TBCD: variants seen among roughly 807,000 people sequenced by gnomAD.
TBCD encodes the protein tubulin folding cofactor D, also known as tubulin-specific chaperone D.
In TBCD, 105 loss-of-function variants were observed where a neutral mutation model predicts 169.3. The ratio of observed to expected loss-of-function variants is 0.62; its 90% CI spans 0.53 to 0.73. The LOEUF is 0.73. Among genes scored for constraint, TBCD ranks in the 30% least tolerant of loss-of-function variants. The pLI is 0.00. For missense variants in TBCD, 1,444 were observed against 1,600.1 expected, an observed-to-expected ratio of 0.90 and a Z score of 1.66; for synonymous variants, 700 against 643.9, an observed-to-expected ratio of 1.09 and a Z score of -1.32.
intron 16 of TBCD, among the ~76,000 whole-genome samples, chr17:82,891,940 C>T (rs2146418287): frequency 6.6e-6 from 1 of 152,308 alleles, no homozygotes; most frequent in Admixed American, 6.5e-5. Flanking sequence ...TCCGACATTC[C>T]AGCCCTATGA....
At chr17:82,881,450 G>A (rs931640440) in intron 14 of TBCD, among the ~76,000 whole-genome samples, 1 of 152,214 alleles carries the variant, frequency 6.6e-6, no homozygotes, top group African/African-American at 2.4e-5. Context: ...GCTGATGCTG[G>A]AGCAGCCAGC....
rs9912684 is a variant in TBCD, at chr17:82,915,191, C to T, written c.2038+3402C>T. Among the ~76,000 whole-genome samples, 34,978 of 151,932 alleles carry T rather than the reference C, an allele frequency of 0.23. 4,380 individuals carry two copies. The highest frequency in any genetic ancestry group is 0.48 in the East Asian group (2,467 of 5,128). Reference sequence around the variant, plus strand: ...CCCAGGCCAGAGGATGGCGCCCTTACCCCCGAGGACGCCGGCATGTCGGTG... The same window carrying T: ...CCCAGGCCAGAGGATGGCGCCCTTATCCCCGAGGACGCCGGCATGTCGGTG... On this transcript the variant is annotated intron_variant, in intron 23 of 38. Transcript: ENST00000355528. This position sits in a 1 kb window ranked among gnomAD's most constrained non-coding sequence, Gnocchi z 4.3.
intron 37 of TBCD, 102 bp downstream of exon 37, chr17:82,939,578 G>GGTTT: frequency 1.1e-6 from 1 of 934,508 alleles, no homozygotes; most frequent in Non-Finnish European, 1.7e-6. Flanking sequence ...CTGATAGGAG[G>GGTTT]AGGAAAGAGG....
intron 23 of TBCD, chr17:82,913,295 C>T (rs550359307): frequency 6.6e-6 from 1 of 152,428 alleles, no homozygotes; most frequent in African/African-American, 2.4e-5. Context: ...ACGACCTTCA[C>T]ACGACCTTCA....
intron 36 of TBCD, 114 bp downstream of exon 36, chr17:82,938,250 C>A: frequency 1.7e-6 from 2 of 1,196,034 alleles, no homozygotes; most frequent in South Asian, 1.3e-5. Context: ...GAGCCCCTCT[C>A]GTTAACGCGC....
chr17:82,859,702 G>A (rs1016655965), intron 13 of TBCD: 31 of 985,348 alleles, frequency 3.1e-5, no homozygotes, highest in African/African-American at 5.2e-5. Flanking sequence ...GGGCTTGCCC[G>A]CCGGGAGTGT....
At position 82,781,460 on chromosome 17, in the gene TBCD, G is replaced by C; in HGVS notation, c.639-129G>C. 3 of 1,209,862 alleles carry C rather than the reference G, an allele frequency of 2.5e-6. No individual in the cohort carries two copies. In the South Asian group the frequency reaches 4.4e-5, roughly 18 times the overall value. 74.9% of individuals were successfully genotyped at this position (1,209,862 alleles called of 1,614,324 possible). A position where few individuals can be genotyped will look rare whatever the true frequency, so the allele number is the denominator to read the frequency against. On this transcript the variant is annotated intron_variant, in intron 6 of 38. Coordinates refer to ENST00000355528, the MANE Select transcript of TBCD (RefSeq NM_005993.5). Reference sequence around the variant, plus strand: ...GGAGGAGGACAGGACTCAGTACAGAGCTGGCATCTTGGTGTAAGGGTGCGT... The same window carrying C: ...GGAGGAGGACAGGACTCAGTACAGACCTGGCATCTTGGTGTAAGGGTGCGT...
chr17:82,836,306 C>T (rs748803265), intron 13 of TBCD, among the ~76,000 whole-genome samples: 2 of 152,248 alleles, frequency 1.3e-5, no homozygotes, highest in Non-Finnish European at 2.9e-5. Flanking sequence ...GCGTGAGAAC[C>T]TCTGCAAGTC....
At chr17:82,887,028 G>A (rs940573619) in intron 15 of TBCD, among the ~76,000 whole-genome samples, 3 of 151,644 alleles carry the variant, frequency 2.0e-5, no homozygotes, top group Non-Finnish European at 4.4e-5. Flanking sequence ...TTTCACCATT[G>A]CCTCCATGAT....
chr17:82,752,143 A>G lies in TBCD; in HGVS notation c.-51A>G. On this transcript the variant is annotated 5_prime_UTR_variant, in exon 1 of 39. Transcript: ENST00000355528. ...ATCCCTGGCTTTCGCGCTCTAGCGG[A>G]GTGGGATCTGCGAACACGTGAGGCG... The G allele has an allele frequency of 6.9e-7, 1 of 1,459,732 alleles. No individual in the cohort carries two copies. 90.4% of individuals were successfully genotyped at this position (1,459,732 alleles called of 1,614,324 possible).
chr17:82,846,190 C>A (rs1486451952), intron 13 of TBCD, among the ~76,000 whole-genome samples: 1 of 152,182 alleles, frequency 6.6e-6, no homozygotes, highest in African/African-American at 2.4e-5. Flanking sequence ...CTGTGCCTCC[C>A]TCCACGTGCT....
intron 11 of TBCD, 33 bp from the exon 12 acceptor site, chr17:82,809,675 T>G (rs773423542): frequency 3.7e-6 from 6 of 1,606,276 alleles, no homozygotes; most frequent in Non-Finnish European, 3.4e-6. Flanking sequence ...AGGCTGGTGG[T>G]GCCCCTGACG....
intron 9 of TBCD, among the ~76,000 whole-genome samples, chr17:82,804,985 G>T (rs1036381051): frequency 9.2e-5 from 14 of 152,260 alleles, no homozygotes; most frequent in African/African-American, 3.4e-4. Context: ...CCTCTGGGAG[G>T]CTGTCTCAGG....
chr17:82,755,073 C>T (rs1279197032), intron 1 of TBCD, among the ~76,000 whole-genome samples: 3 of 152,210 alleles, frequency 2.0e-5, no homozygotes, highest in East Asian at 1.9e-4. Context: ...GTAAGATGTA[C>T]ATTGGTCTCG....
At chr17:82,871,123 G>A (rs2057525145) in intron 14 of TBCD, among the ~76,000 whole-genome samples, 1 of 152,152 alleles carries the variant, frequency 6.6e-6, no homozygotes, top group Non-Finnish European at 1.5e-5. Flanking sequence ...CCTGTGGCGG[G>A]CGGGGCTCCT....
At chr17:82,787,160 A>AC (rs1012096277) in intron 7 of TBCD, among the ~76,000 whole-genome samples, 25 of 151,854 alleles carry the variant, frequency 1.6e-4, no homozygotes, top group African/African-American at 6.0e-4. Flanking sequence ...GCCCTGTGCC[A>AC]CCCCCCGGCA....
At chr17:82,756,407 G>C (rs1418586777) in intron 2 of TBCD, among the ~76,000 whole-genome samples, 192 bp downstream of exon 2, 1 of 152,180 alleles carries the variant, frequency 6.6e-6, no homozygotes, top group African/African-American at 2.4e-5. Flanking sequence ...CTCTAGGCTG[G>C]GGGGAGATGT....
At position 82,831,742 on chromosome 17, in the gene TBCD, G is replaced by A. The variant is rs1471170896; in HGVS notation, c.1318+16808G>A. ...AAAGTGAGGCGGGTACTCTGGGATTGTGGGGTGCATGTAAGGGGAAATGGC... is the reference window on the plus strand; with the variant it reads ...AAAGTGAGGCGGGTACTCTGGGATTATGGGGTGCATGTAAGGGGAAATGGC... On this transcript the variant is annotated intron_variant, in intron 13 of 38. Coordinates refer to ENST00000355528, the MANE Select transcript of TBCD (RefSeq NM_005993.5). This position sits in a 1 kb window ranked among gnomAD's most constrained non-coding sequence, Gnocchi z 4.6. 6.2e-7 allele frequency: 1 copy of A among 1,614,176 alleles called. No homozygotes were observed. Among genetic ancestry groups the A allele is most frequent in the South Asian group, 1.1e-5 (1 of 91,086 alleles).
intron 11 of TBCD, among the ~76,000 whole-genome samples, chr17:82,808,668 G>T (rs183462863): frequency 5.8e-4 from 83 of 143,518 alleles, no homozygotes; most frequent in African/African-American, 2.0e-3. Flanking sequence ...AGGTGGAGGG[G>T]CTGGCAGGTG....
Sources: gnomAD v4.1 joint callset for allele counts (sites outside exome capture counted in the v4.1 genomes callset) on GRCh38, gnomAD v4.1.1 for gene constraint, Gnocchi (gnomAD v3.1) non-coding constraint, MANE v1.5 for transcripts, NCBI Gene and HGNC (gene_info 2026-07-23, HGNC 2026-07-21) for gene names.